KRT74: variants seen among roughly 807,000 people sequenced by gnomAD.
The protein encoded by KRT74 is keratin, type II cytoskeletal 74.
KRT74 carries 43 observed loss-of-function variants against 42.7 expected under a neutral mutation model. The ratio of observed to expected loss-of-function variants is 1.01; its 90% CI spans 0.79 to 1.30. The LOEUF is 1.30. Among genes scored for constraint, KRT74 ranks in the 50% most tolerant of loss-of-function variants. The pLI is 0.00. For missense variants in KRT74, 736 were observed against 689.1 expected (o/e 1.07, Z -0.76); for synonymous variants, 302 against 279.0 (o/e 1.08, Z -0.82).
At chr12:52,572,993 C>A (rs538893652) in intron 1 of KRT74, among the ~76,000 whole-genome samples, 1 of 152,316 alleles carries the variant, frequency 6.6e-6, no homozygotes, top group East Asian at 1.9e-4. Context: ...CTGAACACTG[C>A]TGGATTCTAT....
chr12:52,572,559 A>G lies in KRT74; in HGVS notation c.580T>C (p.Tyr194His), dbSNP rs780722617. ...AGCTGCTTCCGCAGGTTGCTGATGTAGCCCTCAAGGATGGGCTCCAGGTTC... is the reference window on the plus strand; with the variant it reads ...AGCTGCTTCCGCAGGTTGCTGATGTGGCCCTCAAGGATGGGCTCCAGGTTC... ...KKNLEPILEGYISNLRKQLET... is the reference protein window; with the variant it reads ...KKNLEPILEGHISNLRKQLET... Residue 194 changes from tyrosine to histidine, a missense_variant, in exon 2 of 9, where the codon TAC becomes CAC. By Grantham distance (83) the Tyr-to-His change is moderately conservative (BLOSUM62 2). Coordinates refer to ENST00000305620, the MANE Select transcript of KRT74 (RefSeq NM_175053.4). The G allele has an allele frequency of 2.4e-5, 38 of 1,614,040 alleles. No homozygotes were observed. In the South Asian group the frequency reaches 2.7e-4, roughly 12 times the overall value.
chr12:52,568,129 C>A (rs1306274617), intron 7 of KRT74, 40 bp downstream of exon 7: 4 of 1,611,476 alleles, frequency 2.5e-6, no homozygotes, highest in Non-Finnish European at 3.4e-6. Context: ...AGGAGCCACA[C>A]CCCAGTCCCT....
chr12:52,568,240 G>T lies in KRT74; in HGVS notation c.1284C>A (p.Leu428=). The T allele has an allele frequency of 6.2e-7, 1 of 1,614,186 alleles. No individual in the cohort carries two copies. The highest frequency in any genetic ancestry group is 8.5e-7 in the Non-Finnish European group (1 of 1,180,026). ...TGTCCAGGGCCAGTTTCAGGCTCAT[G>T]AGCTCCTGGTACTCGCGCAGCATCC... is the stretch of plus-strand genomic sequence containing the variant. ...LARMLREYQE[L]MSLKLALDME... The change falls in exon 7 of 9, where the codon CTC becomes CTA. Residue 428 remains leucine (L), a synonymous_variant. Transcript: ENST00000305620.
At chr12:52,573,080 T>C (rs1031518599) in intron 1 of KRT74, among the ~76,000 whole-genome samples, 23 of 152,324 alleles carry the variant, frequency 1.5e-4, no homozygotes, top group African/African-American at 5.5e-4. Flanking sequence ...GGCTGCTCTT[T>C]ACCCAGCTTC....
Position 52,568,296 on chromosome 12 carries a change from C to T in KRT74, c.1228G>A (p.Ala410Thr), listed in dbSNP as rs145453727. ...AGCTCCTCCTTGGCCTGGTGCAGGG[C>T]GCCCTCCAGCTCATCCAGCTTGGCC... is the stretch of plus-strand genomic sequence containing the variant. Reference protein sequence around the residue: ...AQAKLDELEGALHQAKEELAR... With the variant: ...AQAKLDELEGTLHQAKEELAR... Residue 410 changes from alanine (A) to threonine (T), a missense_variant, in exon 7 of 9, where the codon GCC becomes ACC. Physicochemically the swap from Ala to Thr is moderately conservative, Grantham distance 58. Transcript: ENST00000305620. 74 of 1,614,110 alleles carry T rather than the reference C, an allele frequency of 4.6e-5. No individual in the cohort carries two copies. The highest frequency in any genetic ancestry group is 3.3e-4 in the Middle Eastern group (2 of 6,084).
chr12:52,566,716 C>T lies in KRT74; in HGVS notation c.*253G>A. ...CCAAGAAGGTTATAATGGCTTGTGC[C>T]TCCAAAGCCTCCTGCCAGCCAAAGG... On this transcript the variant is annotated 3_prime_UTR_variant, in exon 9 of 9. Coordinates refer to ENST00000305620, the MANE Select transcript of KRT74 (RefSeq NM_175053.4). 1 of 424,536 alleles carries T rather than the reference C, an allele frequency of 2.4e-6. No individual in the cohort carries two copies. The highest frequency in any genetic ancestry group is 3.4e-5 in the East Asian group (1 of 29,668). The allele number at this position is 424,536 out of a possible 1,614,324, so 26.3% of individuals were successfully genotyped here.
At chr12:52,567,838 G>T (rs1939406058) in intron 7 of KRT74, 145 bp from the exon 8 acceptor site, 1 of 735,380 alleles carries the variant, frequency 1.4e-6, no homozygotes, top group Non-Finnish European at 2.4e-6. Flanking sequence ...TCATCTTACA[G>T]ATGAGAAAAC....
rs761589074 is a variant in KRT74, at chr12:52,570,832, TC to T, written c.844del (p.Glu282ArgfsTer42). On this transcript the variant is annotated frameshift_variant and splice_region_variant, in exon 5 of 9. Transcript: ENST00000305620. LOFTEE classifies it high-confidence loss of function. ...IKFLKCLYDA[E>X]IAQIQTHASE... ...GGCGTGAGTCTGGATCTGAGCGATC[TC>T]CTGCATTGAGAGAGGAAGACAGATT... 1 of 1,614,252 alleles carries T rather than the reference TC, an allele frequency of 6.2e-7. No homozygotes were observed. The highest frequency in any genetic ancestry group is 8.5e-7 in the Non-Finnish European group (1 of 1,180,036).
intron 8 of KRT74, among the ~76,000 whole-genome samples, 154 bp from the exon 9 acceptor site, chr12:52,567,322 C>T (rs950849680): frequency 6.6e-6 from 1 of 152,168 alleles, no homozygotes; most frequent in African/African-American, 2.4e-5. Context: ...CAGAGATGAA[C>T]TGAGAGCCTA....
Position 52,572,446 on chromosome 12 carries a change from T to A in KRT74, c.686+7A>T, listed in dbSNP as rs1370753486. On this transcript the variant is annotated splice_region_variant and intron_variant, in intron 2 of 8. Transcript: ENST00000305620. The stretch of plus-strand genomic sequence containing the variant: ...TGGTCTGTGACCCTCGGGTGGAGCC[T>A]GCTCACCTCTTCTTATAGTCCTCCA... 2.5e-6 allele frequency: 4 copies of A among 1,613,780 alleles called. No individual in the cohort carries two copies. Among genetic ancestry groups the A allele is most frequent in the Non-Finnish European group, 3.4e-6 (4 of 1,179,814 alleles).
At chr12:52,571,207 T>C in intron 4 of KRT74, 152 bp downstream of exon 4, 1 of 675,728 alleles carries the variant, frequency 1.5e-6, no homozygotes, top group African/African-American at 1.8e-5. Flanking sequence ...AGGACCAGCA[T>C]CCTGCACTTC....
intron 6 of KRT74, 133 bp from the exon 7 acceptor site, chr12:52,568,522 C>G: frequency 1.1e-6 from 1 of 905,132 alleles, no homozygotes; most frequent in Non-Finnish European, 1.7e-6. Flanking sequence ...AAGCCAACAC[C>G]AGAACTTTGT....
At chr12:52,570,865 C>G in intron 4 of KRT74, 32 bp from the exon 5 acceptor site, 1 of 1,613,644 alleles carries the variant, frequency 6.2e-7, no homozygotes, top group East Asian at 2.2e-5. Flanking sequence ...GATTCAGCAA[C>G]CCCCTGGCTT....
At chr12:52,571,097 G>T (rs958670458) in intron 4 of KRT74, among the ~76,000 whole-genome samples, 3 of 152,212 alleles carry the variant, frequency 2.0e-5, no homozygotes, top group Non-Finnish European at 4.4e-5. Context: ...AGAATCCAAG[G>T]CTCTGTGCTT....
Position 52,566,687 on chromosome 12 carries a change from A to C in KRT74, c.*282T>G. The C allele has an allele frequency of 2.7e-6, 1 of 368,488 alleles. No homozygotes were observed. Among genetic ancestry groups the C allele is most frequent in the Admixed American group, 4.3e-5 (1 of 23,338 alleles). 22.8% of individuals were successfully genotyped at this position (368,488 alleles called of 1,614,324 possible). ...TTCTAGGGATGATCACAGCTTCCTT[A>C]GGGCCAAGAAGGTTATAATGGCTTG... On this transcript the variant is annotated 3_prime_UTR_variant, in exon 9 of 9. Transcript: ENST00000305620.
At chr12:52,572,814 A>G (rs1223337258) in intron 1 of KRT74, 147 bp from the exon 2 acceptor site, 1 of 759,344 alleles carries the variant, frequency 1.3e-6, no homozygotes, top group Non-Finnish European at 2.3e-6. Context: ...ATTCCACACA[A>G]ACTAGATCCT....
intron 4 of KRT74, 117 bp from the exon 5 acceptor site, chr12:52,570,950 G>C (rs1939469400): frequency 4.2e-6 from 5 of 1,190,426 alleles, no homozygotes; most frequent in Non-Finnish European, 6.1e-6. Context: ...CGGGGACAAA[G>C]TAGGGGGAAG....
At chr12:52,567,987 G>A (rs1403475223) in intron 7 of KRT74, among the ~76,000 whole-genome samples, 182 bp downstream of exon 7, 1 of 151,954 alleles carries the variant, frequency 6.6e-6, no homozygotes, top group African/African-American at 2.4e-5. Context: ...AGCAGCACAC[G>A]GCCATCTACG....
rs774560162 is a variant in KRT74, at chr12:52,571,506, G to A, written c.748-52C>T. 3.7e-6 allele frequency: 5 copies of A among 1,341,202 alleles called. No individual in the cohort carries two copies. In the South Asian group the frequency reaches 5.8e-5, roughly 16 times the overall value. The allele number at this position is 1,341,202 out of a possible 1,614,324, so 83.1% of individuals were successfully genotyped here. ...GGGATGCAACCCTCATCCCACAGCT[G>A]CCCTGCCCAACTCCTGCCTCAAAGC... On this transcript the variant is annotated intron_variant, in intron 3 of 8. Transcript: ENST00000305620.
Sources: gnomAD v4.1 joint callset for allele counts (sites outside exome capture counted in the v4.1 genomes callset) on GRCh38, gnomAD v4.1.1 for gene constraint, MANE v1.5 for transcripts, NCBI Gene and HGNC (gene_info 2026-07-23, HGNC 2026-07-21) for gene names.